Variants in AGBL4 observed in about 807,000 individuals in gnomAD.
AGBL4 encodes the protein cytosolic carboxypeptidase 6.
Under a neutral mutation model 66.4 loss-of-function variants are expected in AGBL4, and 58 were observed. The observed-to-expected ratio is 0.87, with a 90% CI of 0.71 to 1.09. The LOEUF is 1.09. AGBL4 is among the 50% of genes least tolerant of loss of function. AGBL4 has a pLI of 0.00. For synonymous variants in AGBL4, 234 were observed against 222.9 expected, an observed-to-expected ratio of 1.05 and a Z score of -0.44; for missense variants, 579 against 631.0, an observed-to-expected ratio of 0.92 and a Z score of 0.88.
At chr1:49,339,361 G>A (rs973484223) in intron 3 of AGBL4, among the ~76,000 whole-genome samples, 3 of 152,206 alleles carry the variant, frequency 2.0e-5, no homozygotes, top group Non-Finnish European at 2.9e-5. Context: ...TTTTCAGAGT[G>A]TGCCCTATAC....
At position 49,818,322 on chromosome 1, in the gene AGBL4, T is replaced by C. The variant is rs570586074; in HGVS notation, c.157+33074A>G. 7.9e-5 allele frequency among the ~76,000 whole-genome samples: 12 copies of C among 151,958 alleles called. No individual in the cohort carries two copies. The South Asian group carries it at 1.9e-3, about 24-fold the overall frequency. On this transcript the variant is annotated intron_variant, in intron 2 of 13. Coordinates refer to ENST00000371839, the MANE Select transcript of AGBL4 (RefSeq NM_032785.4). ...TCTTTGTTGTTGAATTTCATAATCA[T>C]ATGGGTTTTTTTTAGTTTCTTGCTT... is the stretch of plus-strand genomic sequence containing the variant.
intron 4 of AGBL4, among the ~76,000 whole-genome samples, chr1:49,201,192 C>A (rs1647672205): frequency 6.6e-6 from 1 of 152,160 alleles, no homozygotes; most frequent in Non-Finnish European, 1.5e-5. Context: ...ATCCCCTTCC[C>A]ATTTTCCTTG....
intron 5 of AGBL4, among the ~76,000 whole-genome samples, chr1:49,015,754 G>A (rs1048698088): frequency 2.9e-4 from 44 of 151,718 alleles, no homozygotes; most frequent in Admixed American, 2.0e-3. Context: ...TCCTTACTCC[G>A]TTCTATATCC....
chr1:48,695,325 G>A (rs1265134555), intron 6 of AGBL4, among the ~76,000 whole-genome samples: 2 of 152,174 alleles, frequency 1.3e-5, no homozygotes, highest in Admixed American at 6.5e-5. Flanking sequence ...AGGGTTGGGG[G>A]AGAGCTGGGG....
chr1:49,911,842 C>A (rs1650865756), intron 1 of AGBL4, among the ~76,000 whole-genome samples: 1 of 152,208 alleles, frequency 6.6e-6, no homozygotes, highest in Non-Finnish European at 1.5e-5. Context: ...GGCTCACCTA[C>A]CCCCTTACAT....
At chr1:49,154,789 C>A (rs1186273857) in intron 4 of AGBL4, among the ~76,000 whole-genome samples, 1 of 152,118 alleles carries the variant, frequency 6.6e-6, no homozygotes, top group Non-Finnish European at 1.5e-5. Context: ...CCTAGAAAAA[C>A]CATGAGGATT....
intron 6 of AGBL4, among the ~76,000 whole-genome samples, chr1:48,790,402 A>G (rs912991150): frequency 1.3e-5 from 2 of 152,166 alleles, no homozygotes; most frequent in Non-Finnish European, 2.9e-5. Context: ...GGCATAGAAA[A>G]ATTTCATCCT....
chr1:49,206,197 G>A (rs974955073), intron 4 of AGBL4, among the ~76,000 whole-genome samples: 4 of 152,124 alleles, frequency 2.6e-5, no homozygotes, highest in African/African-American at 9.7e-5. Flanking sequence ...TTTGGGGGAA[G>A]GAGAAAGTTT....
intron 4 of AGBL4, among the ~76,000 whole-genome samples, chr1:49,181,440 A>G (rs1646929452): frequency 6.6e-6 from 1 of 152,226 alleles, no homozygotes; most frequent in Non-Finnish European, 1.5e-5. Flanking sequence ...TGGTGCATTC[A>G]GTCAGAAGAA....
At chr1:48,975,975 G>A (rs1002876991) in intron 5 of AGBL4, among the ~76,000 whole-genome samples, 4 of 152,050 alleles carry the variant, frequency 2.6e-5, no homozygotes, top group Non-Finnish European at 5.9e-5. Context: ...CAGAACATTT[G>A]GTTGTCCACT....
intron 1 of AGBL4, among the ~76,000 whole-genome samples, chr1:49,926,112 GT>G (rs1652744153): frequency 6.6e-6 from 1 of 152,216 alleles, no homozygotes; most frequent in South Asian, 2.1e-4. Flanking sequence ...ACCCAGTGCA[GT>G]CCCAAAGGTG....
intron 4 of AGBL4, among the ~76,000 whole-genome samples, chr1:49,243,748 G>A (rs1651419430): frequency 1.3e-5 from 2 of 151,694 alleles, no homozygotes; most frequent in African/African-American, 4.8e-5. Context: ...AAACTCTGAA[G>A]CAATGTAAGT....
At chr1:49,526,905 A>G (rs1650702199) in intron 3 of AGBL4, among the ~76,000 whole-genome samples, 1 of 152,120 alleles carries the variant, frequency 6.6e-6, no homozygotes. Flanking sequence ...GAAAAAGTAC[A>G]TTTTCTGATA....
At chr1:49,078,079 C>G (rs889717160) in intron 4 of AGBL4, among the ~76,000 whole-genome samples, 1 of 152,084 alleles carries the variant, frequency 6.6e-6, no homozygotes, top group Non-Finnish European at 1.5e-5. Context: ...CCTGATGTGT[C>G]TGACTCTAAA....
At chr1:48,574,692 A>C (rs1644622582) in intron 11 of AGBL4, among the ~76,000 whole-genome samples, 1 of 151,154 alleles carries the variant, frequency 6.6e-6, no homozygotes, top group African/African-American at 2.4e-5. Context: ...CACAACTCCC[A>C]CCTCCTGTCT....
intron 5 of AGBL4, among the ~76,000 whole-genome samples, chr1:49,008,479 G>A (rs1662055774): frequency 6.8e-6 from 1 of 147,666 alleles, no homozygotes. Flanking sequence ...GAGACAGAAA[G>A]TCAACAAGGA....
chr1:49,374,837 G>C (rs1226892864), intron 3 of AGBL4, among the ~76,000 whole-genome samples: 1 of 152,052 alleles, frequency 6.6e-6, no homozygotes, highest in East Asian at 1.9e-4. Flanking sequence ...AGTCAGAATG[G>C]TCTTTCTAAA....
At chr1:48,562,254 G>A (rs1419873795) in intron 11 of AGBL4, among the ~76,000 whole-genome samples, 5 of 152,166 alleles carry the variant, frequency 3.3e-5, no homozygotes, top group Non-Finnish European at 5.9e-5. Context: ...CCTAAGATAT[G>A]GGAAAGAACG....
intron 3 of AGBL4, among the ~76,000 whole-genome samples, chr1:49,539,244 TAAC>T (rs1439083247): frequency 6.6e-6 from 1 of 152,206 alleles, no homozygotes; most frequent in Non-Finnish European, 1.5e-5. Context: ...ATTAAAACAT[TAAC>T]AATTATATGT....
Sources: allele counts gnomAD v4.1 joint callset (sites outside exome capture counted in the v4.1 genomes callset), GRCh38; gene constraint gnomAD v4.1.1; transcripts MANE v1.5; gene names NCBI Gene and HGNC (gene_info 2026-07-23, HGNC 2026-07-21).